The following CACNA1E variants were observed in gnomAD, a reference collection of about 807,000 sequenced individuals.
CACNA1E encodes calcium voltage-gated channel subunit alpha1 E.
In CACNA1E, 40 loss-of-function variants were observed where a neutral mutation model predicts 259.2. That is an observed-to-expected ratio of 0.15 (90% CI 0.12 to 0.20). The LOEUF (loss-of-function observed/expected upper bound fraction) is 0.20, where lower values mean the gene tolerates loss of function less well. Among genes scored for constraint, CACNA1E ranks in the 10% least tolerant of loss-of-function variants. CACNA1E has a pLI of 1.00. For missense variants in CACNA1E, 1,874 were observed against 3,040.1 expected, an observed-to-expected ratio of 0.62 and a Z score of 9.02; for synonymous variants, 1,104 against 1,138.5, an observed-to-expected ratio of 0.97 and a Z score of 0.61.
At chr1:181,755,095 A>G in intron 27 of CACNA1E, 142 bp from the exon 28 acceptor site, 2 of 596,300 alleles carry the variant, frequency 3.4e-6, no homozygotes, top group Non-Finnish European at 5.7e-6. Flanking sequence ...CATGAGCACC[A>G]CCTCACCTCT....
intron 1 of CACNA1E, among the ~76,000 whole-genome samples, chr1:181,484,791 C>T (rs1296520198): frequency 1.3e-5 from 2 of 152,172 alleles, no homozygotes; most frequent in Admixed American, 1.3e-4. Context: ...ATCCAGGATC[C>T]AGGTGGATCG....
intron 28 of CACNA1E, among the ~76,000 whole-genome samples, chr1:181,755,739 A>G (rs1187260553): frequency 1.3e-5 from 2 of 152,246 alleles, no homozygotes; most frequent in African/African-American, 4.8e-5. Context: ...CACAGCCAGT[A>G]GTGAAAGGGT....
intron 3 of CACNA1E, among the ~76,000 whole-genome samples, chr1:181,556,969 T>C (rs989033336): frequency 6.6e-6 from 1 of 152,078 alleles, no homozygotes; most frequent in African/African-American, 2.4e-5. Context: ...TCAGAGAAGG[T>C]GTGAGATCAG....
intron 39 of CACNA1E, 32 bp from the exon 40 acceptor site, chr1:181,783,647 T>TTTG (rs201160192): frequency 1.4e-4 from 167 of 1,193,290 alleles, no homozygotes; most frequent in South Asian, 3.3e-4. Flanking sequence ...TTTTTTTTTT[T>TTTG]GCCTGCTGTT....
At chr1:181,566,626 A>G (rs1349105360) in intron 3 of CACNA1E, among the ~76,000 whole-genome samples, 1 of 152,186 alleles carries the variant, frequency 6.6e-6, no homozygotes, top group Non-Finnish European at 1.5e-5. Flanking sequence ...GGTGAGATGA[A>G]GGCTTCCTTT....
At chr1:181,714,088 C>G (rs1416586502) in intron 8 of CACNA1E, among the ~76,000 whole-genome samples, 2 of 152,112 alleles carry the variant, frequency 1.3e-5, no homozygotes, top group Non-Finnish European at 2.9e-5. Flanking sequence ...GCATAGACCC[C>G]ACAGGTTAAA....
In CACNA1E at chr1:181,651,345, A is replaced by T. The variant is rs1461523679; in HGVS notation, c.959A>T (p.Asp320Val). 1.2e-6 allele frequency: 2 copies of T among 1,610,816 alleles called. No individual in the cohort carries two copies. Reference sequence around the variant, plus strand: ...CATTTTTCTTTCTTTCAGACCAATGATGCCTTAGGAGCCACCTGGAATTGG... The same window carrying T: ...CATTTTTCTTTCTTTCAGACCAATGTTGCCTTAGGAGCCACCTGGAATTGG... ...GWTTVLYNTN[D>V]ALGATWNWLY... is the part of the protein sequence containing the mutation. Residue 320 changes from aspartate (D) to valine (V), a missense_variant, in exon 7 of 48, where the codon GAT (aspartate) becomes GTT (valine). Asp to Val is a radical substitution (Grantham distance 152, BLOSUM62 -3). Transcript: ENST00000367573.
At chr1:181,330,072 C>G (rs1461654664) in intron 1 of CACNA1E, among the ~76,000 whole-genome samples, 5 of 152,156 alleles carry the variant, frequency 3.3e-5, no homozygotes, top group Non-Finnish European at 7.4e-5. Context: ...ATTGTTTCTC[C>G]CTGCACATTC....
Position 181,721,732 on chromosome 1 carries a change from A to G in CACNA1E, c.1957-26A>G, listed in dbSNP as rs761167172. The G allele has an allele frequency of 5.4e-6, 8 of 1,485,114 alleles. No homozygotes were observed. In the African/African-American group the frequency reaches 5.5e-5, roughly 10 times the overall value. 92.0% of individuals were successfully genotyped at this position (1,485,114 alleles called of 1,614,324 possible). A position where few individuals can be genotyped will look rare whatever the true frequency, so the allele number is the denominator to read the frequency against. On this transcript the variant is annotated intron_variant, in intron 15 of 47. Coordinates refer to ENST00000367573, the MANE Select transcript of CACNA1E (RefSeq NM_001205293.3). ...TTTTCTCCTCCAGCCCAGGTTTCTG[A>G]TGCGCCTGTCATTTGCTTTTTGTAG...
At chr1:181,746,891 C>T (rs2102635690) in intron 25 of CACNA1E, among the ~76,000 whole-genome samples, 1 of 152,314 alleles carries the variant, frequency 6.6e-6, no homozygotes, top group African/African-American at 2.4e-5. Context: ...CTATTATTAA[C>T]CGCCTTAACT....
At chr1:181,370,275 T>C (rs1490285989) in intron 1 of CACNA1E, among the ~76,000 whole-genome samples, 4 of 152,084 alleles carry the variant, frequency 2.6e-5, no homozygotes, top group Non-Finnish European at 2.9e-5. Flanking sequence ...TCATAGTTTT[T>C]TTTTTTTTTT....
chr1:181,466,699 A>G (rs909618523), intron 2 of CACNA1E, among the ~76,000 whole-genome samples: 2 of 152,218 alleles, frequency 1.3e-5, no homozygotes, highest in African/African-American at 4.8e-5. Context: ...TTGTATTTCA[A>G]TTCCTCCTAG....
rs917945445 is a variant in CACNA1E at position 181,407,265 on chromosome 1, T to C, written c.-14-5868T>C. 2.0e-5 allele frequency among the ~76,000 whole-genome samples: 3 copies of C among 151,168 alleles called. No homozygotes were observed. In the South Asian group the frequency reaches 6.3e-4, roughly 32 times the overall value. ...GGGGAGAATAGAGCTTTGCAGGGAG[T>C]GGGGGTGGGTCAGGGAACACTTCCT... On this transcript the variant is annotated intron_variant, in intron 1 of 11. Transcript: ENST00000524607.
At chr1:181,748,382 G>A (rs535011955) in intron 25 of CACNA1E, among the ~76,000 whole-genome samples, 57 of 152,318 alleles carry the variant, frequency 3.7e-4, no homozygotes, top group Middle Eastern at 3.4e-3. Flanking sequence ...ATTCTGGGGG[G>A]AAATTAATTC....
chr1:181,319,818 G>T (rs6668575), intron 1 of CACNA1E, among the ~76,000 whole-genome samples: 2,019 of 152,286 alleles, frequency 0.013, 59 homozygotes, highest in African/African-American at 0.046. Context: ...ATGTCATTTG[G>T]ATCTTGCATC....
chr1:181,471,502 G>A (rs1444432505), intron 2 of CACNA1E, among the ~76,000 whole-genome samples: 1 of 151,886 alleles, frequency 6.6e-6, no homozygotes, highest in Non-Finnish European at 1.5e-5. Context: ...CACAGATGTT[G>A]GTTACTGTTG....
chr1:181,632,521 G>A (rs1021169563), intron 6 of CACNA1E, among the ~76,000 whole-genome samples: 2 of 152,192 alleles, frequency 1.3e-5, no homozygotes, highest in African/African-American at 4.8e-5. Flanking sequence ...ATTTACAGAT[G>A]TGGGCTTTGT....
At chr1:181,734,193 T>G (rs145831022) in intron 21 of CACNA1E, among the ~76,000 whole-genome samples, 1 of 152,252 alleles carries the variant, frequency 6.6e-6, no homozygotes, top group African/African-American at 2.4e-5. Context: ...CAGTTTGTCA[T>G]CTGTAAAGTG....
chr1:181,528,150 G>C (rs561049103), intron 3 of CACNA1E, among the ~76,000 whole-genome samples: 4 of 150,886 alleles, frequency 2.7e-5, no homozygotes, highest in African/African-American at 7.4e-5. Flanking sequence ...CCCGGGGTGG[G>C]GGGGGCAGTA....
Sources: allele counts gnomAD v4.1 joint callset (sites outside exome capture counted in the v4.1 genomes callset), GRCh38; gene constraint gnomAD v4.1.1; transcripts MANE v1.5; gene names NCBI Gene and HGNC (gene_info 2026-07-23, HGNC 2026-07-21).